The following LUZP2 variants were observed in gnomAD, a reference collection of about 807,000 sequenced individuals.
The protein encoded by LUZP2 is leucine zipper protein 2.
LUZP2 carries 52 observed loss-of-function variants against 51.6 expected under a neutral mutation model. That is an observed-to-expected ratio of 1.01 (90% CI 0.81 to 1.27). The LOEUF is 1.27. Ranked by LOEUF, LUZP2 falls within the 50% of genes most tolerant of loss-of-function variation. The probability of loss-of-function intolerance (pLI) is 0.00; values close to 1 mark genes in which losing one functional copy is unlikely to be tolerated. For missense variants in LUZP2, 436 were observed against 395.4 expected (o/e 1.10, Z -0.87); for synonymous variants, 154 against 137.3 (o/e 1.12, Z -0.85).
rs564840056 is a variant in LUZP2 at position 24,828,257 on chromosome 11, C to G, written c.396+64949C>G. ...GAGGTCACATTTCCTTTTAATCTCT[C>G]ACAATGATAGGGTATTTGGGTCATA... On this transcript the variant is annotated intron_variant, in intron 5 of 11. Transcript: ENST00000336930. Among the ~76,000 whole-genome samples, 3 of 152,182 alleles carry G rather than the reference C, an allele frequency of 2.0e-5. No individual in the cohort carries two copies. In the South Asian group the frequency reaches 6.2e-4, roughly 32 times the overall value.
At chr11:24,904,145 T>C (rs897165771) in intron 5 of LUZP2, among the ~76,000 whole-genome samples, 1 of 152,222 alleles carries the variant, frequency 6.6e-6, no homozygotes. Flanking sequence ...TTGTTATTTT[T>C]TGCCTTTTGA....
rs372051875 is a variant in LUZP2 at position 24,698,689 on chromosome 11, G to T, written c.63-30480G>T. Among the ~76,000 whole-genome samples the T allele has an allele frequency of 1.2e-4, 18 of 152,230 alleles. No homozygotes were observed. The East Asian group carries it at 2.1e-3, about 18-fold the overall frequency. On this transcript the variant is annotated intron_variant, in intron 1 of 11. Coordinates refer to ENST00000336930, the MANE Select transcript of LUZP2 (RefSeq NM_001009909.4). ...TCTCTTCAATTAGGACACAAATAGA[G>T]AATTTTTTTCTTCTAGCAACTTGAT...
rs71044331 is a variant in LUZP2 at position 25,050,291 on chromosome 11, C to CTTTTTTTTTTTTTT, written c.858+176_858+189dup. ...TAAGAAAGTAAATGTTCTTTATGTT[C>CTTTTTTTTTTTTTT]TTTTTTTTTTTTTTTTTTTTTTTTT... is the stretch of plus-strand genomic sequence containing the variant. On this transcript the variant is annotated intron_variant, in intron 10 of 11. Transcript: ENST00000336930. 1.6e-4 allele frequency among the ~76,000 whole-genome samples: 12 copies of CTTTTTTTTTTTTTT among 77,200 alleles called. 2 individuals are homozygous for CTTTTTTTTTTTTTT. The highest frequency in any genetic ancestry group is 1.7e-4 in the Non-Finnish European group (7 of 41,334). 50.6% of individuals were successfully genotyped at this position (77,200 alleles called of 152,430 possible).
rs139865032 is a variant in LUZP2 at position 24,983,232 on chromosome 11, G to C, written c.704G>C (p.Arg235Pro). 6.2e-7 allele frequency: 1 copy of C among 1,612,116 alleles called. No individual in the cohort carries two copies. The highest frequency in any genetic ancestry group is 1.3e-5 in the African/African-American group (1 of 74,810). ...PLSLITSNPT[R>P]MLLPPRNIAS... ...AGTTTAATCACATCAAATCCAACTC[G>C]GATGTTACTCCCACCCAGGAATATT... Residue 235 changes from arginine (R) to proline (P), a missense_variant, in exon 9 of 12, where the codon CGG becomes CCG. Transcript: ENST00000336930.
At chr11:24,504,590 T>C (rs942723725) in intron 1 of LUZP2, among the ~76,000 whole-genome samples, 17 of 152,198 alleles carry the variant, frequency 1.1e-4, no homozygotes, top group South Asian at 2.1e-4. Flanking sequence ...GGCACATAGC[T>C]GTGCCTTGTA....
intron 5 of LUZP2, among the ~76,000 whole-genome samples, chr11:24,769,786 C>CTTTTTTT (rs1554988302): frequency 4.4e-4 from 64 of 147,008 alleles, no homozygotes; most frequent in African/African-American, 1.4e-3. Context: ...ACTAAATTCT[C>CTTTTTTT]TTTTTTGTTT....
intron 9 of LUZP2, among the ~76,000 whole-genome samples, chr11:25,013,820 A>T (rs1857053285): frequency 6.6e-6 from 1 of 152,072 alleles, no homozygotes; most frequent in African/African-American, 2.4e-5. Flanking sequence ...ACATATGTAT[A>T]CATGTGACAT....
At chr11:24,960,198 G>T (rs1339312350) in intron 7 of LUZP2, among the ~76,000 whole-genome samples, 1 of 152,150 alleles carries the variant, frequency 6.6e-6, no homozygotes, top group Middle Eastern at 3.2e-3. Flanking sequence ...CAAGGATATT[G>T]TTCTAAAATT....
intron 1 of LUZP2, among the ~76,000 whole-genome samples, chr11:24,717,044 G>A (rs1858074733): frequency 6.6e-6 from 1 of 152,000 alleles, no homozygotes; most frequent in Non-Finnish European, 1.5e-5. Flanking sequence ...AAGAAGTGGA[G>A]TGAATATATG....
chr11:25,014,982 C>G (rs980212401), intron 9 of LUZP2, among the ~76,000 whole-genome samples: 2 of 151,996 alleles, frequency 1.3e-5, no homozygotes, highest in Admixed American at 6.6e-5. Context: ...TAGCCAGTTT[C>G]CCCAGCACCC....
chr11:24,823,308 T>C (rs941277763), intron 5 of LUZP2, among the ~76,000 whole-genome samples: 2 of 151,850 alleles, frequency 1.3e-5, no homozygotes, highest in Non-Finnish European at 2.9e-5. Context: ...GCACTGAGGT[T>C]TCAAGTCTTG....
At chr11:24,739,269 G>T (rs1859050231) in intron 4 of LUZP2, among the ~76,000 whole-genome samples, 1 of 152,054 alleles carries the variant, frequency 6.6e-6, no homozygotes, top group Non-Finnish European at 1.5e-5. Context: ...TGGCCAGTTT[G>T]AGTGATTTTT....
chr11:24,752,559 G>A (rs948036637), intron 4 of LUZP2, among the ~76,000 whole-genome samples: 1 of 152,072 alleles, frequency 6.6e-6, no homozygotes, highest in African/African-American at 2.4e-5. Flanking sequence ...AGCCGAAGAG[G>A]GGAAAATATG....
intron 1 of LUZP2, among the ~76,000 whole-genome samples, chr11:24,513,925 C>T (rs191559848): frequency 1.2e-4 from 19 of 152,176 alleles, no homozygotes; most frequent in Non-Finnish European, 2.5e-4. Flanking sequence ...TGGAGGACCA[C>T]GTAAGCATGG....
intron 7 of LUZP2, among the ~76,000 whole-genome samples, chr11:24,961,594 T>G (rs1163409823): frequency 2.0e-5 from 3 of 152,260 alleles, no homozygotes; most frequent in African/African-American, 7.2e-5. Flanking sequence ...GTTTTCCATT[T>G]GCTTGGTAGA....
chr11:25,036,526 G>T (rs1262795484), intron 9 of LUZP2, among the ~76,000 whole-genome samples: 2 of 115,082 alleles, frequency 1.7e-5, no homozygotes, highest in Non-Finnish European at 4.0e-5. Context: ...GGGTTAGTTT[G>T]TTCTTTTTTT....
At chr11:24,685,658 G>A (rs531673465) in intron 1 of LUZP2, among the ~76,000 whole-genome samples, 1 of 152,220 alleles carries the variant, frequency 6.6e-6, no homozygotes, top group East Asian at 1.9e-4. Context: ...TGCAGCATCT[G>A]GGTTATGCCT....
At chr11:24,969,958 A>G (rs957285311) in intron 7 of LUZP2, among the ~76,000 whole-genome samples, 4 of 152,122 alleles carry the variant, frequency 2.6e-5, no homozygotes, top group Non-Finnish European at 5.9e-5. Flanking sequence ...GAGGAATTCT[A>G]GGAATTATCT....
intron 1 of LUZP2, among the ~76,000 whole-genome samples, chr11:24,533,952 C>G (rs1368127907): frequency 6.6e-6 from 1 of 151,218 alleles, no homozygotes; most frequent in Non-Finnish European, 1.5e-5. Context: ...GTTGTGAAAG[C>G]CACAGGGACA....
Sources: allele counts gnomAD v4.1 joint callset (sites outside exome capture counted in the v4.1 genomes callset), GRCh38; gene constraint gnomAD v4.1.1; transcripts MANE v1.5; gene names NCBI Gene and HGNC (gene_info 2026-07-23, HGNC 2026-07-21).